The following HSPG2 variants were observed in gnomAD, a reference collection of about 807,000 sequenced individuals.
The protein encoded by HSPG2 is heparan sulfate proteoglycan 2.
Under a neutral mutation model 526.6 loss-of-function variants are expected in HSPG2, and 278 were observed. That is an observed-to-expected ratio of 0.53 (90% CI 0.48 to 0.58). The LOEUF is 0.58. HSPG2 is among the 20% of genes least tolerant of loss of function. HSPG2 has a pLI of 0.00. For synonymous variants in HSPG2, 2,465 were observed against 2,555.4 expected, an observed-to-expected ratio of 0.96 and a Z score of 1.07; for missense variants, 5,354 against 6,099.5, an observed-to-expected ratio of 0.88 and a Z score of 4.07.
At chr1:21,841,514 C>G in intron 70 of HSPG2, 25 bp downstream of exon 70, 1 of 1,614,012 alleles carries the variant, frequency 6.2e-7, no homozygotes. Flanking sequence ...CAGGGCAGAG[C>G]CCCACAGGGT....
At position 21,887,437 on chromosome 1, in the gene HSPG2, C is replaced by T; in HGVS notation, c.941G>A (p.Ser314Asn). The T allele has an allele frequency of 1.2e-6, 2 of 1,614,076 alleles. No individual in the cohort carries two copies. The highest frequency in any genetic ancestry group is 1.7e-6 in the Non-Finnish European group (2 of 1,179,992). The part of the protein sequence containing the change: ...CDGQEDCEDG[S>N]DELDCGPPPP... ...GTGCGCACCACAGTCTAGCTCATCG[C>T]TGCCGTCCTCGCAGTCCTCCTGTCC... is the stretch of plus-strand genomic sequence containing the variant. The change falls in exon 8 of 97, where the codon AGC becomes AAC. Residue 314 changes from serine to asparagine, a missense_variant. Coordinates refer to ENST00000374695, the MANE Select transcript of HSPG2 (RefSeq NM_005529.7). This position sits in a 1 kb window ranked among gnomAD's most constrained non-coding sequence, Gnocchi z 5.0.
At position 21,854,965 on chromosome 1, in the gene HSPG2, C is replaced by T; in HGVS notation, c.6016G>A (p.Asp2006Asn). 6.2e-7 allele frequency: 1 copy of T among 1,613,412 alleles called. No homozygotes were observed. Among genetic ancestry groups the T allele is most frequent in the South Asian group, 1.1e-5 (1 of 91,084 alleles). Residue 2006 changes from aspartate to asparagine, a missense_variant, in exon 48 of 97, where the codon GAC becomes AAC. Physicochemically the swap from Asp to Asn is conservative, Grantham distance 23. Transcript: ENST00000374695. ...LPPQARSERT[D>N]IATLLIPAIT... ...GCTGGGATGAGCAGTGTCGCGATGTCTGTGCGCTCTGACCGGGCCTGCCGT... is the reference window on the plus strand; with the variant it reads ...GCTGGGATGAGCAGTGTCGCGATGTTTGTGCGCTCTGACCGGGCCTGCCGT...
intron 1 of HSPG2, among the ~76,000 whole-genome samples, chr1:21,900,928 C>T (rs1409072558): frequency 1.3e-5 from 2 of 151,938 alleles, no homozygotes; most frequent in African/African-American, 4.8e-5. Flanking sequence ...AAGCCCTGAA[C>T]TGAACCGACA....
At chr1:21,881,135 G>A (rs1641470154) in intron 14 of HSPG2, among the ~76,000 whole-genome samples, 2 of 152,222 alleles carry the variant, frequency 1.3e-5, no homozygotes, top group Admixed American at 6.5e-5. Context: ...GCTCCCGGGA[G>A]GAGGGGAGGC....
In HSPG2 at chr1:21,824,138, G is replaced by A; in HGVS notation, c.12882C>T (p.His4294=). 2 of 1,613,414 alleles carry A rather than the reference G, an allele frequency of 1.2e-6. No homozygotes were observed. Among genetic ancestry groups the A allele is most frequent in the Non-Finnish European group, 1.7e-6 (2 of 1,179,996 alleles). Residue 4294 remains histidine, a synonymous_variant, in exon 95 of 97, where the codon CAC becomes CAT. Transcript: ENST00000374695. This position sits in a 1 kb window ranked among gnomAD's most constrained non-coding sequence, Gnocchi z 5.9. ...TCCCTTACCGCAGTGCTGTCACCCGGTGCCACTCGCCGTCATTGATGGGGT... is the reference window on the plus strand; with the variant it reads ...TCCCTTACCGCAGTGCTGTCACCCGATGCCACTCGCCGTCATTGATGGGGT... The part of the protein sequence containing the change: ...SEDPINDGEW[H]RVTALREGRR...
At chr1:21,851,241 G>A in intron 55 of HSPG2, 1 of 424,894 alleles carries the variant, frequency 2.4e-6, no homozygotes, top group Admixed American at 3.7e-5. Context: ...CCAAAGTGCT[G>A]GGATTACAGG....
chr1:21,834,011 C>A, intron 77 of HSPG2, 86 bp from the exon 78 acceptor site: 1 of 889,426 alleles, frequency 1.1e-6, no homozygotes, highest in Non-Finnish European at 1.8e-6. Flanking sequence ...TTCATCTTCA[C>A]ACCACCCCTT....
Position 21,828,219 on chromosome 1 carries a change from C to T in HSPG2, c.12409+36G>A. The stretch of plus-strand genomic sequence containing the variant: ...CTGGAGGTGTCGCTGACCACCTGTG[C>T]CCCTCCCCTCCGGTGCCCTGGGCAG... On this transcript the variant is annotated intron_variant, in intron 89 of 96. Transcript: ENST00000374695. The surrounding 1 kb of genome is among the most constrained non-coding windows in gnomAD (Gnocchi z 6.0). 3 of 1,613,018 alleles carry T rather than the reference C, an allele frequency of 1.9e-6. No homozygotes were observed. The highest frequency in any genetic ancestry group is 2.5e-6 in the Non-Finnish European group (3 of 1,179,900).
chr1:21,856,743 C>T (rs993518866), intron 44 of HSPG2, among the ~76,000 whole-genome samples: 2 of 152,184 alleles, frequency 1.3e-5, no homozygotes, highest in Non-Finnish European at 2.9e-5. Context: ...CTTGCTTTCT[C>T]ATCATTCCTA....
intron 44 of HSPG2, 26 bp from the exon 45 acceptor site, chr1:21,855,938 C>T: frequency 2.5e-6 from 4 of 1,603,794 alleles, no homozygotes; most frequent in Non-Finnish European, 3.4e-6. Context: ...AAGGAACATG[C>T]ACTCAGGGTG....
At chr1:21,915,557 C>T (rs1251363443) in intron 1 of HSPG2, among the ~76,000 whole-genome samples, 1 of 152,046 alleles carries the variant, frequency 6.6e-6, no homozygotes, top group Non-Finnish European at 1.5e-5. Flanking sequence ...GCAAGAAGAA[C>T]CAATGAGAGC....
At chr1:21,929,417 T>C (rs1036102489) in intron 1 of HSPG2, among the ~76,000 whole-genome samples, 9 of 151,874 alleles carry the variant, frequency 5.9e-5, no homozygotes, top group Admixed American at 6.6e-5. Context: ...TTTTCTTTTT[T>C]TTTTTTAAGA....
At position 21,822,518 on chromosome 1, in the gene HSPG2, C is replaced by T. The variant is rs959274840; in HGVS notation, c.*798G>A. The T allele has an allele frequency of 2.4e-6, 1 of 423,748 alleles. No individual in the cohort carries two copies. The highest frequency in any genetic ancestry group is 2.0e-5 in the African/African-American group (1 of 50,020). The allele number at this position is 423,748 out of a possible 1,614,324, so 26.2% of individuals were successfully genotyped here. A position where few individuals can be genotyped will look rare whatever the true frequency, so the allele number is the denominator to read the frequency against. On this transcript the variant is annotated 3_prime_UTR_variant, in exon 97 of 97. Coordinates refer to ENST00000374695, the MANE Select transcript of HSPG2 (RefSeq NM_005529.7). ...TCCGTCCGTTGTCTGTTGGAGGAGT[C>T]CCTGGGCCTTCACTTCCAGATGGGT...
intron 1 of HSPG2, among the ~76,000 whole-genome samples, chr1:21,926,315 T>A (rs1300155850): frequency 1.3e-5 from 2 of 152,156 alleles, no homozygotes; most frequent in Non-Finnish European, 2.9e-5. Flanking sequence ...GTGACCTATG[T>A]GACTGAGGCC....
chr1:21,847,609 A>G lies in HSPG2; in HGVS notation c.8025+80T>C. The G allele has an allele frequency of 1.2e-6, 2 of 1,606,486 alleles. No homozygotes were observed. Among genetic ancestry groups the G allele is most frequent in the Non-Finnish European group, 1.7e-6 (2 of 1,175,474 alleles). ...GCTGCTATCGGTCTACCCAGGGCCC[A>G]ATCCGTGAGACAGGGAGCCTGCTCT... is the stretch of plus-strand genomic sequence containing the variant. On this transcript the variant is annotated intron_variant, in intron 61 of 96. Coordinates refer to ENST00000374695, the MANE Select transcript of HSPG2 (RefSeq NM_005529.7). This position sits in a 1 kb window ranked among gnomAD's most constrained non-coding sequence, Gnocchi z 4.1.
At chr1:21,919,130 T>C (rs1451526400) in intron 1 of HSPG2, among the ~76,000 whole-genome samples, 1 of 152,220 alleles carries the variant, frequency 6.6e-6, no homozygotes, top group Non-Finnish European at 1.5e-5. Context: ...GAGAGTCTGA[T>C]TAAGTCTCAA....
chr1:21,933,951 A>G (rs896190802), intron 1 of HSPG2, among the ~76,000 whole-genome samples: 26 of 152,186 alleles, frequency 1.7e-4, no homozygotes, highest in African/African-American at 5.8e-4. Context: ...GGCAGGAAAC[A>G]GGTATCTCAG....
At chr1:21,880,336 G>T (rs371339660) in intron 16 of HSPG2, 27 bp downstream of exon 16, 1 of 1,614,000 alleles carries the variant, frequency 6.2e-7, no homozygotes, top group Non-Finnish European at 8.5e-7. Context: ...GGGTCTCTGT[G>T]GTTCCCAGCC....
In HSPG2 at chr1:21,852,709, C is replaced by T. The variant is rs1384069393; in HGVS notation, c.6715G>A (p.Val2239Ile). The T allele has an allele frequency of 1.2e-6, 2 of 1,613,364 alleles. No individual in the cohort carries two copies. The highest frequency in any genetic ancestry group is 1.3e-5 in the African/African-American group (1 of 74,936). ...ASVLVTIEAS[V>I]IPGPIPPVRI... Reference sequence around the variant, plus strand: ...ACTGGGAGTCACTCACCAGGGATGACAGAGGCTTCGATGGTGACCAGGACT... The same window carrying T: ...ACTGGGAGTCACTCACCAGGGATGATAGAGGCTTCGATGGTGACCAGGACT... Residue 2239 changes from valine (V) to isoleucine (I), a missense_variant, in exon 52 of 97, where the codon GTC becomes ATC. Coordinates refer to ENST00000374695, the MANE Select transcript of HSPG2 (RefSeq NM_005529.7).
Sources: allele counts gnomAD v4.1 joint callset (sites outside exome capture counted in the v4.1 genomes callset), GRCh38; gene constraint gnomAD v4.1.1; non-coding constraint Gnocchi (gnomAD v3.1); transcripts MANE v1.5; gene names NCBI Gene and HGNC (gene_info 2026-07-23, HGNC 2026-07-21).